PDLIM5: variants seen among roughly 807,000 people sequenced by gnomAD.
PDLIM5 encodes the protein PDZ and LIM domain protein 5.
PDLIM5 carries 34 observed loss-of-function variants against 64.2 expected under a neutral mutation model. The ratio of observed to expected loss-of-function variants is 0.53; its 90% CI spans 0.40 to 0.71. The LOEUF (loss-of-function observed/expected upper bound fraction) is 0.71. Ranked by LOEUF, PDLIM5 falls within the 30% of genes least tolerant of loss-of-function variation. The pLI is 0.00. For missense variants in PDLIM5, 683 were observed against 733.6 expected, an observed-to-expected ratio of 0.93 and a Z score of 0.80; for synonymous variants, 253 against 269.1, an observed-to-expected ratio of 0.94 and a Z score of 0.59.
intron 9 of PDLIM5, among the ~76,000 whole-genome samples, chr4:94,648,531 C>T (rs1481812135): frequency 6.6e-6 from 1 of 152,144 alleles, no homozygotes; most frequent in African/African-American, 2.4e-5. Flanking sequence ...AACTCCTGGC[C>T]TCAAGTGATC....
chr4:94,664,077 G>A lies in PDLIM5; in HGVS notation c.*10G>A, dbSNP rs1742945418. Reference sequence around the variant, plus strand: ...TTCTGTGAATTTTTGAAAGTCAACAGTTCAGGAGAAGAGAAGGAATTTGAA... The same window carrying A: ...TTCTGTGAATTTTTGAAAGTCAACAATTCAGGAGAAGAGAAGGAATTTGAA... On this transcript the variant is annotated 3_prime_UTR_variant, in exon 13 of 13. Transcript: ENST00000317968. 1.3e-6 allele frequency: 2 copies of A among 1,566,286 alleles called. No homozygotes were observed. The highest frequency in any genetic ancestry group is 1.4e-5 in the African/African-American group (1 of 73,758).
intron 5 of PDLIM5, among the ~76,000 whole-genome samples, chr4:94,580,919 A>G (rs1014888309): frequency 2.0e-4 from 30 of 152,148 alleles, no homozygotes; most frequent in Admixed American, 1.5e-3. Context: ...TGATGTGCAT[A>G]TATTACAATT....
chr4:94,585,621 A>C lies in PDLIM5; in HGVS notation c.767A>C (p.His256Pro). 6.2e-7 allele frequency: 1 copy of C among 1,613,238 alleles called. No individual in the cohort carries two copies. The highest frequency in any genetic ancestry group is 8.5e-7 in the Non-Finnish European group (1 of 1,179,666). Residue 256 changes from histidine (H) to proline (P), a missense_variant, in exon 6 of 13, where the codon CAC becomes CCC. Coordinates refer to ENST00000317968, the MANE Select transcript of PDLIM5 (RefSeq NM_006457.5). The part of the protein sequence containing the change: ...RYTEFYHVPT[H>P]SDASKKRLIE... The stretch of plus-strand genomic sequence containing the variant: ...ACAGAGTTTTATCATGTACCCACTC[A>C]CAGTGATGCCAGCAAGAAGAGACTG...
chr4:94,489,782 TAA>T (rs1387030893), intron 2 of PDLIM5, among the ~76,000 whole-genome samples: 1 of 151,912 alleles, frequency 6.6e-6, no homozygotes, highest in African/African-American at 2.4e-5. Flanking sequence ...AAAAATAAAA[TAA>T]AATAAAATTT....
chr4:94,588,842 A>G (rs1159120813), intron 7 of PDLIM5, among the ~76,000 whole-genome samples: 1 of 152,242 alleles, frequency 6.6e-6, no homozygotes, highest in Admixed American at 6.5e-5. Context: ...AGAAACTAAC[A>G]TTAATTTTAG....
intron 2 of PDLIM5, among the ~76,000 whole-genome samples, chr4:94,503,119 G>A (rs976613407): frequency 2.6e-5 from 4 of 152,140 alleles, no homozygotes; most frequent in Non-Finnish European, 4.4e-5. Flanking sequence ...TATAGGATAT[G>A]TTGGGTATTA....
chr4:94,609,904 C>T (rs1252206990), intron 7 of PDLIM5, among the ~76,000 whole-genome samples: 1 of 152,180 alleles, frequency 6.6e-6, no homozygotes, highest in Non-Finnish European at 1.5e-5. Context: ...GGAATACAGT[C>T]AGTGAATTTA....
chr4:94,527,500 T>G (rs1730479748), intron 3 of PDLIM5, among the ~76,000 whole-genome samples: 1 of 152,220 alleles, frequency 6.6e-6, no homozygotes, highest in African/African-American at 2.4e-5. Context: ...GTTTTCTGCA[T>G]GAATATATAC....
rs1553940971 is a variant in PDLIM5, at chr4:94,494,432, G to GGTTTTTTTTTTTTTTTTTTTTTTTTTTTT, written c.97-29292_97-29291insGTTTTTTTTTTTTTTTTTTTTTTTTTTTT. Among the ~76,000 whole-genome samples the GGTTTTTTTTTTTTTTTTTTTTTTTTTTTT allele has an allele frequency of 1.4e-4, 10 of 70,772 alleles. 3 individuals carry two copies. Among genetic ancestry groups the GGTTTTTTTTTTTTTTTTTTTTTTTTTTTT allele is most frequent in the Non-Finnish European group, 2.5e-4 (9 of 36,262 alleles). The allele number at this position is 70,772 out of a possible 152,430, so 46.4% of individuals were successfully genotyped here. A position where few individuals can be genotyped will look rare whatever the true frequency, so the allele number is the denominator to read the frequency against. The stretch of plus-strand genomic sequence containing the variant: ...AGCATTCACTAATTTTTTTTTTCTT[G>GGTTTTTTTTTTTTTTTTTTTTTTTTTTTT]TTTTTTTTTTTTTTTTTTTTTTTTG... On this transcript the variant is annotated intron_variant, in intron 2 of 12. Coordinates refer to ENST00000317968, the MANE Select transcript of PDLIM5 (RefSeq NM_006457.5).
At chr4:94,660,854 C>T (rs1401026062) in intron 11 of PDLIM5, among the ~76,000 whole-genome samples, 1 of 151,962 alleles carries the variant, frequency 6.6e-6, no homozygotes, top group Non-Finnish European at 1.5e-5. Flanking sequence ...AGAGGAGCTG[C>T]ATAAAAGAAA....
intron 2 of PDLIM5, among the ~76,000 whole-genome samples, chr4:94,476,624 T>G (rs72876207): frequency 0.019 from 2,954 of 152,270 alleles, 75 homozygotes; most frequent in African/African-American, 0.061. Flanking sequence ...GAAAGCCCTT[T>G]ATCATCCCTT....
At chr4:94,654,859 C>G (rs1394017502) in intron 10 of PDLIM5, among the ~76,000 whole-genome samples, 4 of 152,094 alleles carry the variant, frequency 2.6e-5, no homozygotes, top group Admixed American at 1.3e-4. Context: ...TCACTGAGTG[C>G]TGGCTTGTCT....
intron 3 of PDLIM5, among the ~76,000 whole-genome samples, chr4:94,543,995 C>A (rs1732084519): frequency 6.6e-6 from 1 of 152,092 alleles, no homozygotes. Flanking sequence ...TTTTAAGGAA[C>A]CTCCACAGTT....
In PDLIM5 at chr4:94,455,312, G is replaced by A. The variant is rs1407089395; in HGVS notation, c.24G>A (p.Leu8=). Residue 8 remains leucine, a synonymous_variant, in exon 2 of 13, where the codon CTG becomes CTA. Transcript: ENST00000317968. MSNYSVS[L]VGPAPWGFRL... ...CCATGAGCAACTACAGTGTGTCACT[G>A]GTTGGCCCAGCTCCTTGGGGTTTCC... is the stretch of plus-strand genomic sequence containing the variant. 1 of 1,612,540 alleles carries A rather than the reference G, an allele frequency of 6.2e-7. No individual in the cohort carries two copies. The highest frequency in any genetic ancestry group is 8.5e-7 in the Non-Finnish European group (1 of 1,178,646).
chr4:94,625,784 G>A (rs141612656), intron 8 of PDLIM5, among the ~76,000 whole-genome samples: 25 of 152,206 alleles, frequency 1.6e-4, no homozygotes, highest in East Asian at 3.9e-4. Context: ...CTGATAGTCC[G>A]TATTGAACAG....
intron 7 of PDLIM5, chr4:94,588,283 G>C: frequency 1.7e-6 from 1 of 575,498 alleles, no homozygotes; most frequent in Non-Finnish European, 2.2e-6. Context: ...AACACGGCAG[G>C]CCAGGTGCGG....
At position 94,523,769 on chromosome 4, in the gene PDLIM5, G is replaced by A. The variant is rs781356907; in HGVS notation, c.142G>A (p.Asp48Asn). 17 of 1,612,726 alleles carry A rather than the reference G, an allele frequency of 1.1e-5. No homozygotes were observed. Among genetic ancestry groups the A allele is most frequent in the African/African-American group, 4.0e-5 (3 of 74,890 alleles). ...AGCCCAGGCAAATGTAAGAATAGGC[G>A]ATGTGGTTCTCAGCATTGATGGAAT... ...KAAQANVRIG[D>N]VVLSIDGINA... Residue 48 changes from aspartate to asparagine, a missense_variant, in exon 3 of 13, where the codon GAT becomes AAT. By Grantham distance (23) the Asp-to-Asn change is conservative. Coordinates refer to ENST00000317968, the MANE Select transcript of PDLIM5 (RefSeq NM_006457.5).
At chr4:94,650,999 T>C (rs1741802844) in intron 9 of PDLIM5, among the ~76,000 whole-genome samples, 1 of 152,196 alleles carries the variant, frequency 6.6e-6, no homozygotes, top group African/African-American at 2.4e-5. Context: ...GCTGAATACT[T>C]AATTCCACTC....
intron 9 of PDLIM5, among the ~76,000 whole-genome samples, chr4:94,646,629 A>G (rs1170595971): frequency 6.6e-6 from 1 of 152,222 alleles, no homozygotes; most frequent in Non-Finnish European, 1.5e-5. Context: ...AAGGAGAGGT[A>G]AGGATTATCC....
Sources: allele counts gnomAD v4.1 joint callset (sites outside exome capture counted in the v4.1 genomes callset), GRCh38; gene constraint gnomAD v4.1.1; transcripts MANE v1.5; gene names NCBI Gene and HGNC (gene_info 2026-07-23, HGNC 2026-07-21).